GUCY2C: variants seen among roughly 807,000 people sequenced by gnomAD.
GUCY2C encodes the protein guanylyl cyclase C.
In GUCY2C, 118 loss-of-function variants were observed where a neutral mutation model predicts 131.1. The observed-to-expected ratio is 0.90, with a 90% CI of 0.78 to 1.05. The LOEUF (loss-of-function observed/expected upper bound fraction) is 1.05. GUCY2C is among the 50% of genes least tolerant of loss of function. The pLI, the probability that GUCY2C is intolerant of heterozygous loss-of-function variation, is 0.00. For synonymous variants in GUCY2C, 452 were observed against 457.8 expected (o/e 0.99, Z 0.16); for missense variants, 1,161 against 1,304.4 (o/e 0.89, Z 1.69).
intron 19 of GUCY2C, among the ~76,000 whole-genome samples, chr12:14,630,321 C>A (rs1188335344): frequency 6.6e-6 from 1 of 152,016 alleles, no homozygotes; most frequent in Non-Finnish European, 1.5e-5. Context: ...CATCTGCTGA[C>A]TACCTTAGAG....
chr12:14,664,692 C>T (rs917617174), intron 10 of GUCY2C, among the ~76,000 whole-genome samples: 1 of 152,120 alleles, frequency 6.6e-6, no homozygotes, highest in Non-Finnish European at 1.5e-5. Flanking sequence ...ACCTCAAGGT[C>T]ATATGATATT....
At chr12:14,617,469 T>C (rs1946791790) in intron 24 of GUCY2C, among the ~76,000 whole-genome samples, 1 of 152,124 alleles carries the variant, frequency 6.6e-6, no homozygotes, top group South Asian at 2.1e-4. Flanking sequence ...GCTTGGGTGT[T>C]GGAGTTTGGT....
chr12:14,685,171 C>T (rs1262664105), intron 3 of GUCY2C, among the ~76,000 whole-genome samples: 3 of 152,258 alleles, frequency 2.0e-5, no homozygotes, highest in Admixed American at 6.5e-5. Flanking sequence ...TTTTCCAATC[C>T]TCCTTTCCTT....
intron 21 of GUCY2C, among the ~76,000 whole-genome samples, chr12:14,622,888 AT>A (rs150541644): frequency 0.037 from 5,707 of 152,230 alleles, 349 homozygotes; most frequent in African/African-American, 0.13. Context: ...CAGATTCAAG[AT>A]TGAAGGAAGA....
At chr12:14,668,213 C>T (rs191657729) in intron 10 of GUCY2C, among the ~76,000 whole-genome samples, 3 of 152,062 alleles carry the variant, frequency 2.0e-5, no homozygotes, top group Admixed American at 2.0e-4. Flanking sequence ...CTCTGTTCCC[C>T]AGGCTGGAGT....
At chr12:14,617,353 C>G (rs1247878556) in intron 24 of GUCY2C, among the ~76,000 whole-genome samples, 1 of 152,046 alleles carries the variant, frequency 6.6e-6, no homozygotes, top group Non-Finnish European at 1.5e-5. Context: ...TTTTCAGGGC[C>G]CTGCGTGATG....
chr12:14,678,319 A>G (rs1019173548), intron 6 of GUCY2C, among the ~76,000 whole-genome samples: 4 of 152,266 alleles, frequency 2.6e-5, no homozygotes, highest in African/African-American at 9.6e-5. Context: ...TGAACACATT[A>G]TGTCTAATTT....
At chr12:14,668,848 C>T (rs1948038786) in intron 10 of GUCY2C, among the ~76,000 whole-genome samples, 1 of 152,032 alleles carries the variant, frequency 6.6e-6, no homozygotes, top group Admixed American at 6.6e-5. Context: ...CGGGTGAAAG[C>T]TGGCCAAGTC....
At chr12:14,641,679 T>A (rs1157036953) in intron 17 of GUCY2C, among the ~76,000 whole-genome samples, 1 of 152,122 alleles carries the variant, frequency 6.6e-6, no homozygotes, top group Non-Finnish European at 1.5e-5. Context: ...TGGCTTACGC[T>A]GGTAATCCCA....
At chr12:14,645,177 T>C in intron 16 of GUCY2C, 52 bp downstream of exon 16, 1 of 947,940 alleles carries the variant, frequency 1.1e-6, no homozygotes, top group Non-Finnish European at 1.7e-6. Flanking sequence ...ACTTGTTAGA[T>C]CTGTTTTCTT....
intron 21 of GUCY2C, among the ~76,000 whole-genome samples, chr12:14,623,552 T>A (rs1946939264): frequency 6.6e-6 from 1 of 152,220 alleles, no homozygotes; most frequent in Non-Finnish European, 1.5e-5. Context: ...AAATTGGATA[T>A]TCTGCCATAT....
chr12:14,655,908 T>C (rs1947753185), intron 12 of GUCY2C, among the ~76,000 whole-genome samples: 1 of 152,198 alleles, frequency 6.6e-6, no homozygotes. Flanking sequence ...GTTATCTTAC[T>C]CATTAGTTGT....
intron 1 of GUCY2C, among the ~76,000 whole-genome samples, chr12:14,689,327 G>C (rs1017340149): frequency 5.3e-5 from 8 of 152,200 alleles, no homozygotes; most frequent in African/African-American, 1.7e-4. Flanking sequence ...AGATGAGAAA[G>C]AGTGTGGGTG....
chr12:14,665,437 A>G (rs1409873393), intron 10 of GUCY2C, among the ~76,000 whole-genome samples: 1 of 152,128 alleles, frequency 6.6e-6, no homozygotes, highest in Non-Finnish European at 1.5e-5. Flanking sequence ...AAGTAGGGAG[A>G]TTACGGGCAC....
chr12:14,671,913 G>A (rs2137072765), intron 9 of GUCY2C, among the ~76,000 whole-genome samples: 1 of 152,290 alleles, frequency 6.6e-6, no homozygotes, highest in African/African-American at 2.4e-5. Context: ...TAGAAACTAC[G>A]AATTACATTT....
intron 5 of GUCY2C, among the ~76,000 whole-genome samples, chr12:14,681,111 C>T (rs1448805095): frequency 2.6e-5 from 4 of 151,946 alleles, no homozygotes; most frequent in Non-Finnish European, 5.9e-5. Flanking sequence ...TTAGCATTAT[C>T]GTTATTATGT....
chr12:14,667,867 T>G (rs1186126467), intron 10 of GUCY2C, among the ~76,000 whole-genome samples: 2 of 152,120 alleles, frequency 1.3e-5, no homozygotes, highest in Non-Finnish European at 2.9e-5. Flanking sequence ...AAAGTTAGAA[T>G]CTCATTAAAT....
intron 25 of GUCY2C, among the ~76,000 whole-genome samples, chr12:14,615,437 G>A (rs1053564633): frequency 6.6e-6 from 1 of 151,836 alleles, no homozygotes; most frequent in Non-Finnish European, 1.5e-5. Flanking sequence ...GGCATTTCTG[G>A]GGCCCATCTG....
intron 12 of GUCY2C, among the ~76,000 whole-genome samples, chr12:14,653,720 AC>A (rs1418982344): frequency 3.3e-5 from 5 of 152,078 alleles, no homozygotes; most frequent in African/African-American, 1.2e-4. Flanking sequence ...TCTCATAAAA[AC>A]CTGAGATGTG....
Sources: gnomAD v4.1 joint callset for allele counts (sites outside exome capture counted in the v4.1 genomes callset) on GRCh38, gnomAD v4.1.1 for gene constraint, MANE v1.5 for transcripts, NCBI Gene and HGNC (gene_info 2026-07-23, HGNC 2026-07-21) for gene names.